The following COBLL1 variants were observed in gnomAD, a reference collection of about 807,000 sequenced individuals.
COBLL1 encodes the protein cordon-bleu WH2 repeat protein like 1.
Under a neutral mutation model 94.8 loss-of-function variants are expected in COBLL1, and 50 were observed. That is an observed-to-expected ratio of 0.53 (90% CI 0.42 to 0.67). The LOEUF (loss-of-function observed/expected upper bound fraction) is 0.67. Ranked by LOEUF, COBLL1 falls within the 30% of genes least tolerant of loss-of-function variation. COBLL1 has a pLI of 0.00. For missense variants in COBLL1, 1,362 were observed against 1,348.7 expected (o/e 1.01, Z -0.15); for synonymous variants, 448 against 473.8 (o/e 0.95, Z 0.71).
intron 2 of COBLL1, among the ~76,000 whole-genome samples, chr2:164,767,182 C>T (rs745674263): frequency 1.6e-4 from 25 of 152,218 alleles, no homozygotes; most frequent in Admixed American, 9.2e-4. Flanking sequence ...GCAGTTCAAA[C>T]GTGTACTTTT....
intron 2 of COBLL1, among the ~76,000 whole-genome samples, chr2:164,774,052 C>A (rs1005340507): frequency 6.6e-6 from 1 of 152,206 alleles, no homozygotes; most frequent in Non-Finnish European, 1.5e-5. Context: ...AATGCAGATT[C>A]TCAACATATA....
chr2:164,753,860 G>A (rs1687256100), intron 2 of COBLL1, among the ~76,000 whole-genome samples: 1 of 151,358 alleles, frequency 6.6e-6, no homozygotes, highest in East Asian at 1.9e-4. Flanking sequence ...TCGTGCCTCA[G>A]CCTCCTGAGT....
intron 2 of COBLL1, among the ~76,000 whole-genome samples, chr2:164,751,138 G>A (rs533357238): frequency 6.6e-6 from 1 of 152,016 alleles, no homozygotes; most frequent in Admixed American, 6.5e-5. Context: ...CCTCTTAGAG[G>A]TATTCTCTAA....
At chr2:164,703,329 C>A in intron 9 of COBLL1, 2 of 694,462 alleles carry the variant, frequency 2.9e-6, no homozygotes, top group East Asian at 2.7e-5. Flanking sequence ...TCACAATTAT[C>A]CATGCATTAA....
chr2:164,736,071 T>C (rs1170207289), intron 3 of COBLL1, among the ~76,000 whole-genome samples: 7 of 152,210 alleles, frequency 4.6e-5, no homozygotes, highest in African/African-American at 1.7e-4. Flanking sequence ...TTTAAGACTC[T>C]AAAAGCTCTT....
chr2:164,661,556 GTGGTGGATTAAGCAATGTTCCAC>G (rs981152842), intron 2 of COBLL1, among the ~76,000 whole-genome samples: 1 of 152,076 alleles, frequency 6.6e-6, no homozygotes, highest in Non-Finnish European at 1.5e-5. Flanking sequence ...ATGTAATTTA[GTGGTGGATTAAGCAATGTTCCAC>G]TGTTGATTCA....
At chr2:164,825,452 TC>T (rs751260721) in intron 2 of COBLL1, among the ~76,000 whole-genome samples, 6 of 152,162 alleles carry the variant, frequency 3.9e-5, no homozygotes, top group Non-Finnish European at 8.8e-5. Flanking sequence ...AAAAAATAGA[TC>T]TTAATTATGT....
intron 2 of COBLL1, among the ~76,000 whole-genome samples, chr2:164,828,084 G>A (rs769782061): frequency 2.6e-5 from 4 of 152,048 alleles, no homozygotes; most frequent in Admixed American, 6.6e-5. Flanking sequence ...ATAACAATTC[G>A]TTGGTTAATG....
intron 2 of COBLL1, among the ~76,000 whole-genome samples, chr2:164,657,969 G>A (rs1051082672): frequency 6.6e-6 from 1 of 152,100 alleles, no homozygotes; most frequent in Non-Finnish European, 1.5e-5. Flanking sequence ...CATACAAAGG[G>A]AGGGGACCCA....
intron 2 of COBLL1, among the ~76,000 whole-genome samples, chr2:164,797,706 A>G (rs1683540877): frequency 6.6e-6 from 1 of 152,180 alleles, no homozygotes; most frequent in Admixed American, 6.5e-5. Flanking sequence ...TTCTTTCTAC[A>G]GTACATATTT....
At chr2:164,659,129 G>C (rs1691029047) in intron 2 of COBLL1, among the ~76,000 whole-genome samples, 2 of 152,282 alleles carry the variant, frequency 1.3e-5, no homozygotes, top group South Asian at 2.1e-4. Flanking sequence ...AGCATACCTA[G>C]AGTCTGTATA....
intron 11 of COBLL1, chr2:164,697,038 T>A (rs1574425939): frequency 6.6e-6 from 1 of 152,260 alleles, no homozygotes; most frequent in Non-Finnish European, 1.5e-5. Flanking sequence ...TAATAAGCTA[T>A]ATTATATAGT....
At chr2:164,699,062 T>G (rs1309500126) in intron 11 of COBLL1, among the ~76,000 whole-genome samples, 1 of 147,240 alleles carries the variant, frequency 6.8e-6, no homozygotes, top group African/African-American at 2.6e-5. Flanking sequence ...GAAACATTTT[T>G]AAGATCCAAA....
intron 3 of COBLL1, among the ~76,000 whole-genome samples, chr2:164,738,013 CTG>C (rs1489629625): frequency 1.3e-5 from 2 of 152,298 alleles, no homozygotes; most frequent in East Asian, 3.9e-4. Flanking sequence ...CTAGAACAAA[CTG>C]TAACTTCTAG....
In COBLL1 at chr2:164,820,918, T is replaced by C. The variant is rs572302296; in HGVS notation, c.41+20238A>G. On this transcript the variant is annotated intron_variant, in intron 2 of 13. Coordinates refer to ENST00000652658, the MANE Select transcript of COBLL1 (RefSeq NM_001365672.2). ...TTTGTTTTGTTTTGAGATGGAGTCT[T>C]GCTCTGTCGCCCAGACTGGAGTGCA... Among the ~76,000 whole-genome samples, 60 of 152,276 alleles carry C rather than the reference T, an allele frequency of 3.9e-4. 1 individual carries two copies. The highest frequency in any genetic ancestry group is 1.4e-3 in the African/African-American group (57 of 41,556).
At position 164,685,186 on chromosome 2, in the gene COBLL1, C is replaced by T. The variant is rs944694746; in HGVS notation, c.*760G>A. ...CTGTCACAATATATCAGCATTTTCA[C>T]AGAAAGATGTTTAAGGCTTCTGGCA... On this transcript the variant is annotated 3_prime_UTR_variant, in exon 14 of 14. Coordinates refer to ENST00000652658, the MANE Select transcript of COBLL1 (RefSeq NM_001365672.2). The T allele has an allele frequency of 6.6e-6, 1 of 152,000 alleles. No individual in the cohort carries two copies. Among genetic ancestry groups the T allele is most frequent in the African/African-American group, 2.4e-5 (1 of 41,370 alleles). The allele number at this position is 152,000 out of a possible 1,614,324, so 9.4% of individuals were successfully genotyped here. A position where few individuals can be genotyped will look rare whatever the true frequency, so the allele number is the denominator to read the frequency against.
At chr2:164,784,406 T>C (rs1467538531) in intron 2 of COBLL1, among the ~76,000 whole-genome samples, 3 of 152,150 alleles carry the variant, frequency 2.0e-5, no homozygotes, top group African/African-American at 4.8e-5. Flanking sequence ...TAAGGCATAA[T>C]TTGTAGATAT....
chr2:164,676,213 T>C (rs1404514813), downstream of COBLL1, among the ~76,000 whole-genome samples: 1 of 152,246 alleles, frequency 6.6e-6, no homozygotes, highest in Non-Finnish European at 1.5e-5. Context: ...TAATTTTGAA[T>C]AGAAATTCTT....
At chr2:164,729,505 A>C (rs13403694) in intron 4 of COBLL1, among the ~76,000 whole-genome samples, 28,325 of 151,974 alleles carry the variant, frequency 0.19, 3,257 homozygotes, top group African/African-American at 0.32. Context: ...AACTCGAAAA[A>C]AAAACAAAAA....
Sources: gnomAD v4.1 joint callset for allele counts (sites outside exome capture counted in the v4.1 genomes callset) on GRCh38, gnomAD v4.1.1 for gene constraint, MANE v1.5 for transcripts, NCBI Gene and HGNC (gene_info 2026-07-23, HGNC 2026-07-21) for gene names.